The following PPT1 variants were observed in gnomAD, a reference collection of about 807,000 sequenced individuals.
PPT1 encodes the protein ceroid-palmitoyl-palmitoyl-protein thioesterase 1.
A neutral mutation model predicts 44.0 loss-of-function variants in PPT1; 24 were observed. That is an observed-to-expected ratio of 0.54 (90% CI 0.39 to 0.77). PPT1 has a LOEUF of 0.77. Ranked by LOEUF, PPT1 falls within the 30% of genes least tolerant of loss-of-function variation. The pLI is 0.00. For missense variants in PPT1, 341 were observed against 378.8 expected (o/e 0.90, Z 0.83); for synonymous variants, 148 against 140.2 (o/e 1.06, Z -0.39).
intron 1 of PPT1, among the ~76,000 whole-genome samples, chr1:40,093,313 A>G (rs1379912057): frequency 6.6e-6 from 1 of 152,242 alleles, no homozygotes; most frequent in Non-Finnish European, 1.5e-5. Flanking sequence ...GGATAAATAA[A>G]GAACAGGCAA....
At position 40,097,109 on chromosome 1, in the gene PPT1, A is replaced by G. The variant is rs759641557; in HGVS notation, c.124+6T>C. 44 of 1,613,878 alleles carry G rather than the reference A, an allele frequency of 2.7e-5. No individual in the cohort carries two copies. The East Asian group carries it at 8.7e-4, about 32-fold the overall frequency. On this transcript the variant is annotated splice_donor_region_variant and intron_variant, in intron 1 of 8. Coordinates refer to ENST00000642050, the MANE Select transcript of PPT1 (RefSeq NM_000310.4). ...CCAAACCCTTTTAAATTTCTCACTCACTCACCCATCCCATGCCAGATCACC... is the reference window on the plus strand; with the variant it reads ...CCAAACCCTTTTAAATTTCTCACTCGCTCACCCATCCCATGCCAGATCACC...
At chr1:40,095,432 T>C (rs1295681698) in intron 1 of PPT1, among the ~76,000 whole-genome samples, 1 of 152,136 alleles carries the variant, frequency 6.6e-6, no homozygotes, top group Non-Finnish European at 1.5e-5. Context: ...CCCGTATCTC[T>C]GTCCTAGACT....
chr1:40,075,705 T>G (rs1557706025), intron 8 of PPT1, among the ~76,000 whole-genome samples: 1 of 152,064 alleles, frequency 6.6e-6, no homozygotes, highest in Non-Finnish European at 1.5e-5. Flanking sequence ...GGCTCACACC[T>G]GTAATCCCAG....
In PPT1 at chr1:40,074,249, C is replaced by T. The variant is rs760080260; in HGVS notation, c.799-66G>A. On this transcript the variant is annotated intron_variant, in intron 8 of 8. Transcript: ENST00000642050. Reference sequence around the variant, plus strand: ...AAGTTTTGGAGTAAAATGGTAAGTACGTTAACTTGAGATATATTTTCAAAA... The same window carrying T: ...AAGTTTTGGAGTAAAATGGTAAGTATGTTAACTTGAGATATATTTTCAAAA... The T allele has an allele frequency of 2.0e-5, 31 of 1,586,770 alleles. No homozygotes were observed. In the East Asian group the frequency reaches 2.0e-4, roughly 10 times the overall value.
intron 5 of PPT1, among the ~76,000 whole-genome samples, chr1:40,088,101 A>G: frequency 6.6e-6 from 1 of 151,930 alleles, no homozygotes; most frequent in East Asian, 1.9e-4. Flanking sequence ...TTGATCCCAA[A>G]CTCCAGCTAT....
chr1:40,084,897 G>C (rs1051762989), intron 5 of PPT1, among the ~76,000 whole-genome samples: 1 of 152,236 alleles, frequency 6.6e-6, no homozygotes, highest in African/African-American at 2.4e-5. Context: ...TGGTCTAGCG[G>C]TAATGCCAGC....
Position 40,080,491 on chromosome 1 carries a change from T to C in PPT1, c.537-4A>G, listed in dbSNP as rs587781120. ...CCAGTATTCGGCTTGCACGAGGCTG[T>C]AGGAAAAAAAAAGAATGAGGTGATC... On this transcript the variant is annotated splice_polypyrimidine_tract_variant and splice_region_variant and intron_variant, in intron 5 of 8. Transcript: ENST00000642050. 2 of 1,612,154 alleles carry C rather than the reference T, an allele frequency of 1.2e-6. No individual in the cohort carries two copies. The highest frequency in any genetic ancestry group is 3.3e-5 in the Admixed American group (2 of 59,874).
Position 40,078,634 on chromosome 1 carries a change from T to A in PPT1, c.652A>T (p.Asn218Tyr). Residue 218 changes from asparagine to tyrosine, a missense_variant, in exon 7 of 9, where the codon AAC becomes TAC. Physicochemically the swap from Asn to Tyr is moderately radical, Grantham distance 143 (BLOSUM62 -2). Transcript: ENST00000642050. Reference protein sequence around the residue: ...ERGINESYKKNLMALKKFVMV... With the variant: ...ERGINESYKKYLMALKKFVMV... ...ACAAACTTCTTCAGGGCCATCAGGT[T>A]TTTCTTGTAGGACTCATTGATACCC... 6.2e-7 allele frequency: 1 copy of A among 1,613,830 alleles called. No individual in the cohort carries two copies. The highest frequency in any genetic ancestry group is 8.5e-7 in the Non-Finnish European group (1 of 1,179,816).
chr1:40,088,697 T>C (rs1348072169), intron 5 of PPT1, among the ~76,000 whole-genome samples: 1 of 152,116 alleles, frequency 6.6e-6, no homozygotes, highest in African/African-American at 2.4e-5. Context: ...GTGTGAGCCA[T>C]TATGCCAGGC....
chr1:40,088,215 C>T (rs1188315558), intron 5 of PPT1, among the ~76,000 whole-genome samples: 5 of 151,502 alleles, frequency 3.3e-5, no homozygotes, highest in African/African-American at 2.4e-5. Context: ...GCAATCTCGG[C>T]TCACTGCAAG....
rs886041568 is a variant in PPT1, at chr1:40,089,490, GC to G, written c.455del (p.Cys152SerfsTer16). On this transcript the variant is annotated frameshift_variant, in exon 5 of 9. Coordinates refer to ENST00000642050, the MANE Select transcript of PPT1 (RefSeq NM_000310.4). LOFTEE classifies it high-confidence loss of function. ...CACAGATGTGAGAGCTCTCTCCTGG[GC>G]ATCGAGGGAGTCCAAAAACACCTAC... is the stretch of plus-strand genomic sequence containing the variant. Reference protein sequence around the residue: ...QHQGVFGLPRCPGESSHICDF... With the variant: ...QHQGVFGLPRXPGESSHICDF... The G allele has an allele frequency of 6.2e-7, 1 of 1,614,024 alleles. No homozygotes were observed. Among genetic ancestry groups the G allele is most frequent in the Non-Finnish European group, 8.5e-7 (1 of 1,179,980 alleles).
intron 1 of PPT1, among the ~76,000 whole-genome samples, chr1:40,093,636 C>A (rs1649688583): frequency 6.6e-6 from 1 of 152,048 alleles, no homozygotes; most frequent in African/African-American, 2.4e-5. Context: ...TCTGTAATCC[C>A]AGCAGTTTGG....
chr1:40,093,472 C>T (rs1010588651), intron 1 of PPT1, among the ~76,000 whole-genome samples: 1 of 152,218 alleles, frequency 6.6e-6, no homozygotes, highest in Non-Finnish European at 1.5e-5. Flanking sequence ...ACACTAAATG[C>T]CACTGAATCG....
chr1:40,081,175 AG>A (rs1371246969), intron 5 of PPT1, among the ~76,000 whole-genome samples: 1 of 152,116 alleles, frequency 6.6e-6, no homozygotes, highest in Non-Finnish European at 1.5e-5. Context: ...ACTGAATTAC[AG>A]GGGTGGGTCT....
chr1:40,097,085 CA>C (rs1649896406), intron 1 of PPT1, 29 bp downstream of exon 1: 2 of 1,613,956 alleles, frequency 1.2e-6, no homozygotes, highest in East Asian at 4.5e-5. Flanking sequence ...AGAGAATCGC[CA>C]AACCCTTTTA....
At chr1:40,086,010 G>T (rs1221471172) in intron 5 of PPT1, among the ~76,000 whole-genome samples, 1 of 152,176 alleles carries the variant, frequency 6.6e-6, no homozygotes, top group African/African-American at 2.4e-5. Context: ...AAAGACATGG[G>T]AAAACTGGAC....
Position 40,076,923 on chromosome 1 carries a change from A to C in PPT1, c.727-10T>G, listed in dbSNP as rs554894547. 8.4e-5 allele frequency: 136 copies of C among 1,614,094 alleles called. 2 individuals carry two copies. In the South Asian group the frequency reaches 1.4e-3, roughly 17 times the overall value. On this transcript the variant is annotated splice_polypyrimidine_tract_variant and intron_variant, in intron 7 of 8. Coordinates refer to ENST00000642050, the MANE Select transcript of PPT1 (RefSeq NM_000310.4). ...TGTAAAATCCAAACCACTGCAGAAG[A>C]AGCAAAGGAAAGAAGCTCAGATATG...
intron 4 of PPT1, among the ~76,000 whole-genome samples, chr1:40,090,027 C>T (rs896755787): frequency 3.3e-5 from 5 of 152,142 alleles, no homozygotes; most frequent in Non-Finnish European, 7.3e-5. Context: ...GGTTAAATAC[C>T]TTGTCCAAGG....
downstream of PPT1, chr1:40,072,470 C>G (rs536604899): frequency 4.4e-4 from 76 of 171,872 alleles, no homozygotes; most frequent in Non-Finnish European, 8.2e-4. Context: ...CACAGCACTG[C>G]TAATGTAAAT....
Sources: gnomAD v4.1 joint callset for allele counts (sites outside exome capture counted in the v4.1 genomes callset) on GRCh38, gnomAD v4.1.1 for gene constraint, MANE v1.5 for transcripts, NCBI Gene and HGNC (gene_info 2026-07-23, HGNC 2026-07-21) for gene names.